The following ARHGAP29 variants were observed in gnomAD, a reference collection of about 807,000 sequenced individuals.
ARHGAP29 encodes the protein rho GTPase-activating protein 29.
Under a neutral mutation model 122.6 loss-of-function variants are expected in ARHGAP29, and 43 were observed. That is an observed-to-expected ratio of 0.35 (90% CI 0.27 to 0.45). The LOEUF (loss-of-function observed/expected upper bound fraction) is 0.45, where lower values mean the gene tolerates loss of function less well. Ranked by LOEUF, ARHGAP29 falls within the 20% of genes least tolerant of loss-of-function variation. The pLI, the probability that ARHGAP29 is intolerant of heterozygous loss-of-function variation, is 1.00. For synonymous variants in ARHGAP29, 506 were observed against 497.1 expected (o/e 1.02, Z -0.24); for missense variants, 1,303 against 1,477.2 (o/e 0.88, Z 1.93).
intron 1 of ARHGAP29, among the ~76,000 whole-genome samples, chr1:94,255,785 G>C (rs549604404): frequency 6.6e-6 from 1 of 152,334 alleles, no homozygotes; most frequent in South Asian, 2.1e-4. Context: ...GAGTTGAAGG[G>C]ATGCCCTGGT....
intron 12 of ARHGAP29, among the ~76,000 whole-genome samples, chr1:94,199,529 A>G (rs1418163689): frequency 2.6e-5 from 4 of 152,208 alleles, no homozygotes; most frequent in African/African-American, 9.6e-5. Flanking sequence ...CTAGGATCAC[A>G]GCTTTCATGT....
chr1:94,280,089 C>A, the ARHGAP29 span, among the ~76,000 whole-genome samples: 2 of 143,878 alleles, frequency 1.4e-5, no homozygotes, highest in Non-Finnish European at 1.5e-5. Context: ...TAATATTTAT[C>A]ATTTAACCAC....
chr1:94,247,413 C>G lies in ARHGAP29; in HGVS notation c.-32-15770G>C, dbSNP rs1653853329. ...CCGCGGCGTACCGGCAGCGCCCGCCCGCGTCCTCTCGCTCGTCCGCGCCTG... is the reference window on the plus strand; with the variant it reads ...CCGCGGCGTACCGGCAGCGCCCGCCGGCGTCCTCTCGCTCGTCCGCGCCTG... On this transcript the variant is annotated intron_variant and NMD_transcript_variant, in intron 1 of 25. Coordinates refer to the ARHGAP29 transcript ENST00000552844. 1.3e-5 allele frequency among the ~76,000 whole-genome samples: 2 copies of G among 151,782 alleles called. 1 individual carries two copies. Among genetic ancestry groups the G allele is most frequent in the South Asian group, 4.1e-4 (2 of 4,828 alleles).
chr1:94,186,038 G>T (rs1649780877), intron 16 of ARHGAP29, among the ~76,000 whole-genome samples: 1 of 152,122 alleles, frequency 6.6e-6, no homozygotes, highest in Non-Finnish European at 1.5e-5. Flanking sequence ...GAATTTATAT[G>T]AATCTAATTC....
chr1:94,197,133 A>G (rs1650526601), intron 12 of ARHGAP29, among the ~76,000 whole-genome samples: 1 of 152,190 alleles, frequency 6.6e-6, no homozygotes, highest in Non-Finnish European at 1.5e-5. Flanking sequence ...GACCAATGAG[A>G]GAGAAAGAGA....
chr1:94,207,629 T>C (rs980388017), intron 5 of ARHGAP29, among the ~76,000 whole-genome samples: 6 of 152,142 alleles, frequency 3.9e-5, no homozygotes, highest in Admixed American at 2.0e-4. Flanking sequence ...TCATGAATAA[T>C]AGCAAAATAT....
the ARHGAP29 span, among the ~76,000 whole-genome samples, chr1:94,309,041 G>A: frequency 0.022 from 3,426 of 152,302 alleles, 54 homozygotes; most frequent in Non-Finnish European, 0.033. Flanking sequence ...TGCTCCCTGG[G>A]ATCACATTCC....
chr1:94,186,638 G>T, intron 15 of ARHGAP29, 41 bp from the exon 16 acceptor site: 1 of 1,378,356 alleles, frequency 7.3e-7, no homozygotes, highest in Non-Finnish European at 1.0e-6. Flanking sequence ...ACCATTCATT[G>T]TAGAATCTTT....
At chr1:94,176,167 T>A (rs919665797) in intron 22 of ARHGAP29, among the ~76,000 whole-genome samples, 1 of 152,200 alleles carries the variant, frequency 6.6e-6, no homozygotes, top group Non-Finnish European at 1.5e-5. Flanking sequence ...GAAGCACAGT[T>A]GCCTGGGTCC....
chr1:94,212,786 A>C (rs1251290702), intron 3 of ARHGAP29, among the ~76,000 whole-genome samples: 1 of 152,124 alleles, frequency 6.6e-6, no homozygotes, highest in African/African-American at 2.4e-5. Context: ...CTATATTTCT[A>C]ATATCTAATA....
chr1:94,176,015 G>A (rs1403640015), intron 22 of ARHGAP29, among the ~76,000 whole-genome samples: 3 of 152,090 alleles, frequency 2.0e-5, no homozygotes, highest in Non-Finnish European at 4.4e-5. Flanking sequence ...AGGCTCTTTT[G>A]ATTTGCTTTC....
intron 3 of ARHGAP29, among the ~76,000 whole-genome samples, chr1:94,215,023 A>G (rs1370500604): frequency 6.6e-6 from 1 of 151,682 alleles, no homozygotes; most frequent in Non-Finnish European, 1.5e-5. Flanking sequence ...GTCACAATCC[A>G]CTAACTTGAT....
chr1:94,268,698 A>ATTATCTTC (rs1323095269), intron 1 of ARHGAP29, among the ~76,000 whole-genome samples: 2 of 152,148 alleles, frequency 1.3e-5, no homozygotes. Flanking sequence ...TTATCAAATG[A>ATTATCTTC]TTATCTTCTT....
At chr1:94,260,700 G>A (rs957767617) in intron 1 of ARHGAP29, among the ~76,000 whole-genome samples, 9 of 152,166 alleles carry the variant, frequency 5.9e-5, no homozygotes, top group African/African-American at 1.9e-4. Context: ...TGTGATAGCA[G>A]GCGCCATTAG....
At chr1:94,309,301 C>T in the ARHGAP29 span, among the ~76,000 whole-genome samples, 4 of 152,270 alleles carry the variant, frequency 2.6e-5, no homozygotes, top group East Asian at 3.9e-4. Flanking sequence ...ATCACAACAG[C>T]GAGAGGATGG....
upstream of ARHGAP29, among the ~76,000 whole-genome samples, chr1:94,278,616 G>A (rs1655262487): frequency 6.6e-6 from 1 of 152,290 alleles, no homozygotes; most frequent in South Asian, 2.1e-4. Context: ...CACATCTAGG[G>A]AAGAAATGTC....
At position 94,179,869 on chromosome 1, in the gene ARHGAP29, G is replaced by A. The variant is rs1375544446; in HGVS notation, c.2336C>T (p.Thr779Ile). 4 of 1,612,758 alleles carry A rather than the reference G, an allele frequency of 2.5e-6. No homozygotes were observed. The East Asian group carries it at 8.9e-5, about 36-fold the overall frequency. ...EIQHVNEEQE[T>I]KKNSLEDKKW... Reference sequence around the variant, plus strand: ...TTTGTCTTCAAGACTATTCTTTTTTGTCTCTTGTTCTTCATTTACATGTTG... The same window carrying A: ...TTTGTCTTCAAGACTATTCTTTTTTATCTCTTGTTCTTCATTTACATGTTG... Residue 779 changes from threonine to isoleucine, a missense_variant, in exon 20 of 23, where the codon ACA (threonine) becomes ATA (isoleucine). Physicochemically the swap from Thr to Ile is moderately conservative, Grantham distance 89. Around this residue, in one of 3 missense-constraint regions of ARHGAP29, gnomAD observed 620 missense variants for 651.2 expected, o/e 0.95. Transcript: ENST00000260526.
the ARHGAP29 span, among the ~76,000 whole-genome samples, chr1:94,311,588 C>A: frequency 6.6e-6 from 1 of 152,126 alleles, no homozygotes; most frequent in African/African-American, 2.4e-5. Flanking sequence ...AAAGACCCAA[C>A]AATAACATCA....
At chr1:94,176,159 A>G (rs2101330035) in intron 22 of ARHGAP29, among the ~76,000 whole-genome samples, 1 of 152,326 alleles carries the variant, frequency 6.6e-6, no homozygotes, top group South Asian at 2.1e-4. Flanking sequence ...CAGACTCTGA[A>G]GCACAGTTGC....
Sources: allele counts gnomAD v4.1 joint callset (sites outside exome capture counted in the v4.1 genomes callset), GRCh38; gene constraint gnomAD v4.1.1; regional missense constraint gnomAD v4.1.1; transcripts MANE v1.5; gene names NCBI Gene and HGNC (gene_info 2026-07-23, HGNC 2026-07-21).